The following DLG2 variants were observed in gnomAD, a reference collection of about 807,000 sequenced individuals.
The protein encoded by DLG2 is disks large homolog 2.
Under a neutral mutation model 132.5 loss-of-function variants are expected in DLG2, and 45 were observed. That is an observed-to-expected ratio of 0.34 (90% confidence interval 0.27 to 0.44). DLG2 has a LOEUF of 0.44. DLG2 is among the 20% of genes least tolerant of loss of function. DLG2 has a pLI of 1.00. For missense variants in DLG2, 1,045 were observed against 1,196.9 expected (o/e 0.87, Z 1.87); for synonymous variants, 424 against 419.6 (o/e 1.01, Z -0.13).
chr11:85,415,615 G>C (rs1180763590), intron 3 of DLG2, among the ~76,000 whole-genome samples: 2 of 152,090 alleles, frequency 1.3e-5, no homozygotes, highest in African/African-American at 4.8e-5. Context: ...GACCAGTGTT[G>C]ATGAGTTTTT....
intron 18 of DLG2, among the ~76,000 whole-genome samples, chr11:83,756,123 G>T (rs1472107852): frequency 6.6e-6 from 1 of 150,968 alleles, no homozygotes; most frequent in East Asian, 1.9e-4. Context: ...ATTATGGAGA[G>T]GCACCACACC....
At chr11:83,488,519 C>G (rs988866496) in intron 21 of DLG2, among the ~76,000 whole-genome samples, 11 of 151,974 alleles carry the variant, frequency 7.2e-5, no homozygotes, top group African/African-American at 2.7e-4. Flanking sequence ...TTTTTAAACA[C>G]ACATGAGTGA....
intron 7 of DLG2, among the ~76,000 whole-genome samples, chr11:84,394,281 T>C (rs573202311): frequency 6.6e-6 from 1 of 152,184 alleles, no homozygotes; most frequent in East Asian, 1.9e-4. Flanking sequence ...CTTCTGCCTA[T>C]GGGGCATTTT....
chr11:85,147,803 T>C (rs530463278), intron 5 of DLG2, among the ~76,000 whole-genome samples: 15 of 152,188 alleles, frequency 9.9e-5, no homozygotes, highest in Non-Finnish European at 1.6e-4. Flanking sequence ...ATTTGTTACA[T>C]AGGTATACGT....
At chr11:84,050,554 T>C (rs1186812379) in intron 11 of DLG2, among the ~76,000 whole-genome samples, 2 of 152,046 alleles carry the variant, frequency 1.3e-5, no homozygotes, top group Non-Finnish European at 2.9e-5. Context: ...TGACTTTTGT[T>C]GCCATTGCTT....
intron 18 of DLG2, among the ~76,000 whole-genome samples, chr11:83,633,952 GCAAAAAACAAAAAA>G (rs1190440865): frequency 2.9e-5 from 4 of 137,062 alleles, no homozygotes; most frequent in African/African-American, 1.4e-4. Flanking sequence ...AAAGCAAAAA[GCAAAAAACAAAAAA>G]CAAAAAACAA....
chr11:83,652,418 T>A (rs542039397), intron 18 of DLG2, among the ~76,000 whole-genome samples: 1 of 152,220 alleles, frequency 6.6e-6, no homozygotes, highest in Non-Finnish European at 1.5e-5. Context: ...TCACCCAGGC[T>A]GGAGTGCAGT....
intron 18 of DLG2, chr11:83,646,572 C>T (rs1352142986): frequency 1.3e-5 from 2 of 152,406 alleles, no homozygotes; most frequent in African/African-American, 4.8e-5. Context: ...TCATCTGTCT[C>T]CATCCTTTCC....
chr11:84,972,471 C>T (rs1185768278), intron 6 of DLG2, among the ~76,000 whole-genome samples: 1 of 152,160 alleles, frequency 6.6e-6, no homozygotes, highest in Non-Finnish European at 1.5e-5. Flanking sequence ...CTTGATGAAT[C>T]CTTCTTTGCT....
intron 6 of DLG2, among the ~76,000 whole-genome samples, chr11:85,102,648 G>A (rs1386251563): frequency 6.6e-6 from 1 of 151,822 alleles, no homozygotes; most frequent in African/African-American, 2.4e-5. Context: ...CTTGATAAAG[G>A]ACATCTACAA....
At chr11:83,940,189 C>G (rs370358682) in intron 14 of DLG2, among the ~76,000 whole-genome samples, 1 of 152,146 alleles carries the variant, frequency 6.6e-6, no homozygotes, top group Non-Finnish European at 1.5e-5. Context: ...ATATATTGGT[C>G]CTTCCTTCCA....
chr11:84,586,803 C>T (rs2099531113), intron 6 of DLG2, among the ~76,000 whole-genome samples: 1 of 152,090 alleles, frequency 6.6e-6, no homozygotes, highest in Non-Finnish European at 1.5e-5. Flanking sequence ...TTTTGTCATA[C>T]ATTCATATCT....
intron 6 of DLG2, among the ~76,000 whole-genome samples, chr11:85,033,185 T>G (rs2061165573): frequency 6.6e-6 from 1 of 152,170 alleles, no homozygotes; most frequent in African/African-American, 2.4e-5. Flanking sequence ...GCTAGTAATT[T>G]TATTACTATA....
rs572422575 is a variant in DLG2, at chr11:84,173,734, A to G, written c.574-10223T>C. On this transcript the variant is annotated intron_variant, in intron 8 of 27. Transcript: ENST00000376104. ...CCACTATTATACAAAAGTTGAACCC[A>G]AAATAATCAACAAAAGCTTTTTCAC... Among the ~76,000 whole-genome samples, 85 of 152,286 alleles carry G rather than the reference A, an allele frequency of 5.6e-4. 2 individuals are homozygous for G. In the South Asian group the frequency reaches 0.017, roughly 30 times the overall value.
chr11:84,445,040 C>A (rs1257177007), intron 7 of DLG2, among the ~76,000 whole-genome samples: 1 of 152,046 alleles, frequency 6.6e-6, no homozygotes, highest in Admixed American at 6.6e-5. Context: ...TGACCTCAGG[C>A]AGACCAGGTA....
intron 6 of DLG2, among the ~76,000 whole-genome samples, chr11:84,916,903 T>C (rs936774110): frequency 3.3e-5 from 5 of 152,230 alleles, no homozygotes; most frequent in Non-Finnish European, 7.3e-5. Context: ...TTCCAACATG[T>C]ATATTTTGTT....
In DLG2 at chr11:84,279,260, A is replaced by G. The variant is rs144564732; in HGVS notation, c.520-27969T>C. Among the ~76,000 whole-genome samples the G allele has an allele frequency of 2.8e-3, 429 of 152,352 alleles. 1 individual carries two copies. The highest frequency in any genetic ancestry group is 9.7e-3 in the African/African-American group (403 of 41,588). On this transcript the variant is annotated intron_variant, in intron 7 of 27. Coordinates refer to ENST00000376104, the MANE Select transcript of DLG2 (RefSeq NM_001142699.3). ...TTAGAGAAATGCAAATCAAAACCAC[A>G]ATGAGATACCATCTCAAGACAGAAT...
intron 7 of DLG2, among the ~76,000 whole-genome samples, chr11:84,346,854 T>C (rs1177979330): frequency 6.6e-6 from 1 of 152,162 alleles, no homozygotes; most frequent in Non-Finnish European, 1.5e-5. Context: ...GCAGTTTTCA[T>C]TTTGATTCTA....
intron 7 of DLG2, among the ~76,000 whole-genome samples, chr11:84,388,616 T>C (rs1053363762): frequency 6.6e-6 from 1 of 151,838 alleles, no homozygotes; most frequent in Non-Finnish European, 1.5e-5. Context: ...TCTAGAAATG[T>C]CATGTTTTAG....
Sources: gnomAD v4.1 joint callset for allele counts (sites outside exome capture counted in the v4.1 genomes callset) on GRCh38, gnomAD v4.1.1 for gene constraint, MANE v1.5 for transcripts, NCBI Gene and HGNC (gene_info 2026-07-23, HGNC 2026-07-21) for gene names.